ATP8B3: variants seen among roughly 807,000 people sequenced by gnomAD.
ATP8B3 encodes the protein phospholipid-transporting ATPase IK.
A neutral mutation model predicts 140.9 loss-of-function variants in ATP8B3; 141 were observed. That is an observed-to-expected ratio of 1.00 (90% confidence interval 0.87 to 1.15). ATP8B3 has a LOEUF of 1.15. Ranked by LOEUF, ATP8B3 falls within the 50% of genes most tolerant of loss-of-function variation. ATP8B3 has a pLI of 0.00. For missense variants in ATP8B3, 1,874 were observed against 1,740.6 expected (o/e 1.08, Z -1.36); for synonymous variants, 765 against 714.6 (o/e 1.07, Z -1.13).
chr19:1,788,969 G>T lies in ATP8B3; in HGVS notation c.2997C>A (p.Tyr999Ter). 6.2e-7 allele frequency: 1 copy of T among 1,610,046 alleles called. No individual in the cohort carries two copies. Among genetic ancestry groups the T allele is most frequent in the South Asian group, 1.1e-5 (1 of 90,306 alleles). ...SYVRICKFLR[Y>*]FFYKSMASMM... ...TGCTGGCCATGCTCTTGTAGAAGAA[G>T]TAGCGCAGGAACTTGCAGATCCGCA... Residue 999 changes from tyrosine (Y) to a stop codon, truncating the protein, a stop_gained, in exon 24 of 29, where the codon TAC becomes TAA. Transcript: ENST00000310127. LOFTEE classifies it high-confidence loss of function.
intron 24 of ATP8B3, among the ~76,000 whole-genome samples, chr19:1,787,754 A>C (rs967960821): frequency 3.4e-3 from 389 of 114,992 alleles, no homozygotes; most frequent in African/African-American, 0.01. Context: ...AAAAAAAAAA[A>C]AAAAAAACGC....
At position 1,792,155 on chromosome 19, in the gene ATP8B3, A is replaced by T; in HGVS notation, c.2056-20T>A. On this transcript the variant is annotated intron_variant, in intron 18 of 28. Coordinates refer to ENST00000310127, the MANE Select transcript of ATP8B3 (RefSeq NM_138813.4). ...AAAGGCCTGGGGGCCGGGCAGGTGG[A>T]AGCTGTCACCATGCTGAAGCCGACA... The T allele has an allele frequency of 6.4e-7, 1 of 1,556,806 alleles. No individual in the cohort carries two copies. The highest frequency in any genetic ancestry group is 8.6e-7 in the Non-Finnish European group (1 of 1,158,774).
At chr19:1,799,924 G>A in intron 14 of ATP8B3, 23 bp downstream of exon 14, 1 of 1,571,500 alleles carries the variant, frequency 6.4e-7, no homozygotes, top group Non-Finnish European at 8.6e-7. Flanking sequence ...ACCCAGCTGG[G>A]AGCTCAGGTG....
rs957989085 is a variant in ATP8B3, at chr19:1,807,594, G to A, written c.517-328C>T. Among the ~76,000 whole-genome samples the A allele has an allele frequency of 6.6e-6, 1 of 152,010 alleles. No homozygotes were observed. Among genetic ancestry groups the A allele is most frequent in the Non-Finnish European group, 1.5e-5 (1 of 68,008 alleles). ...TGCTCCCCCTCCCTCCCATGTCCCT[G>A]CTTCCCCAGGTCACCCTGCAGGTGT... On this transcript the variant is annotated intron_variant, in intron 5 of 28. Coordinates refer to ENST00000310127, the MANE Select transcript of ATP8B3 (RefSeq NM_138813.4). The surrounding 1 kb of genome is among the most constrained non-coding windows in gnomAD (Gnocchi z 5.9).
chr19:1,789,604 G>C lies in ATP8B3; in HGVS notation c.2602C>G (p.Leu868Val). Residue 868 changes from leucine (L) to valine (V), a missense_variant, in exon 23 of 29, where the codon CTG becomes GTG. Physicochemically the swap from Leu to Val is conservative, Grantham distance 32. This residue lies in a region of ATP8B3 where 840 missense variants were observed against 760.9 expected (regional missense o/e 1.10). Coordinates refer to ENST00000310127, the MANE Select transcript of ATP8B3 (RefSeq NM_138813.4). Reference protein sequence around the residue: ...RDFLYARRLSLLCRRFGLPLA... With the variant: ...RDFLYARRLSVLCRRFGLPLA... ...GGGAGCCCGAACCTCCGGCACAGCAGGGACAGGCGCCTGGCGTAGAGGAAA... is the reference window on the plus strand; with the variant it reads ...GGGAGCCCGAACCTCCGGCACAGCACGGACAGGCGCCTGGCGTAGAGGAAA... 5 of 1,592,988 alleles carry C rather than the reference G, an allele frequency of 3.1e-6. No homozygotes were observed. The highest frequency in any genetic ancestry group is 4.3e-6 in the Non-Finnish European group (5 of 1,174,144).
rs150501571 is a variant in ATP8B3 at position 1,805,766 on chromosome 19, G to A, written c.821+122C>T. On this transcript the variant is annotated intron_variant, in intron 9 of 28. Transcript: ENST00000310127. The surrounding 1 kb of genome is among the most constrained non-coding windows in gnomAD (Gnocchi z 5.2). ...GCACCCACGCCCCAGACACTCATGG[G>A]GTGAGTGACCAAAGTCTCTGAGCGA... 1,284 of 1,187,042 alleles carry A rather than the reference G, an allele frequency of 1.1e-3. 2 individuals carry two copies. In the Middle Eastern group the frequency reaches 0.012, roughly 11 times the overall value. The allele number at this position is 1,187,042 out of a possible 1,614,324, so 73.5% of individuals were successfully genotyped here.
chr19:1,803,386 G>A (rs1448928937), intron 10 of ATP8B3, among the ~76,000 whole-genome samples: 2 of 152,194 alleles, frequency 1.3e-5, no homozygotes, highest in Non-Finnish European at 2.9e-5. Context: ...CGCTCATGGT[G>A]GGACGGCCAG....
chr19:1,782,876 G>T lies in ATP8B3; in HGVS notation c.*152C>A. The T allele has an allele frequency of 1.0e-6, 1 of 979,574 alleles. No homozygotes were observed. Among genetic ancestry groups the T allele is most frequent in the Non-Finnish European group, 1.5e-6 (1 of 674,276 alleles). 60.7% of individuals were successfully genotyped at this position (979,574 alleles called of 1,614,324 possible). A position where few individuals can be genotyped will look rare whatever the true frequency, so the allele number is the denominator to read the frequency against. ...GTTGCTGCTGGTGAGCACATATTTG[G>T]GGAGGGCAGGTTGGTTTTCTGGATG... On this transcript the variant is annotated 3_prime_UTR_variant, in exon 29 of 29. Transcript: ENST00000310127.
At chr19:1,784,744 C>G in intron 28 of ATP8B3, 75 bp downstream of exon 28, 1 of 1,485,724 alleles carries the variant, frequency 6.7e-7, no homozygotes, top group South Asian at 1.4e-5. Flanking sequence ...CTTGCAGTCC[C>G]TACGCCCTGC....
Position 1,796,871 on chromosome 19 carries a change from G to A in ATP8B3, c.1593C>T (p.Pro531=), listed in dbSNP as rs769351413. ...SEATTRPKEN[P]YLWNKFADGK... ...CGTCGGCGAACTTGTTCCAGAGGTA[G>A]GGGTTCTCCTGGGGGTGGCGGGGGC... Residue 531 remains proline (P), a synonymous_variant, in exon 16 of 29, where the codon CCC becomes CCT. Transcript: ENST00000310127. The A allele has an allele frequency of 6.2e-7, 1 of 1,612,052 alleles. No individual in the cohort carries two copies. Among genetic ancestry groups the A allele is most frequent in the Non-Finnish European group, 8.5e-7 (1 of 1,179,290 alleles).
chr19:1,799,824 T>A, intron 14 of ATP8B3, 123 bp downstream of exon 14: 1 of 1,053,622 alleles, frequency 9.5e-7, no homozygotes, highest in Non-Finnish European at 1.4e-6. Context: ...CTGGCTACGG[T>A]TCCCTGGTTC....
chr19:1,811,325 T>C (rs1369105333), intron 2 of ATP8B3, among the ~76,000 whole-genome samples, 164 bp downstream of exon 2: 1 of 152,182 alleles, frequency 6.6e-6, no homozygotes, highest in Non-Finnish European at 1.5e-5. Flanking sequence ...AATGTGGGTC[T>C]GGCTCTAGCC....
At chr19:1,791,904 C>T (rs368162017) in intron 19 of ATP8B3, 43 bp from the exon 20 acceptor site, 55 of 1,606,070 alleles carry the variant, frequency 3.4e-5, no homozygotes, top group Non-Finnish European at 4.2e-5. Flanking sequence ...GCTGAGCAGC[C>T]GTCCAGCTCC....
intron 18 of ATP8B3, among the ~76,000 whole-genome samples, chr19:1,795,444 G>A (rs1020534703): frequency 2.0e-5 from 3 of 151,668 alleles, no homozygotes; most frequent in African/African-American, 7.2e-5. Flanking sequence ...CCAGCTCCTC[G>A]GGAGGCTGAG....
Position 1,806,171 on chromosome 19 carries a change from T to C in ATP8B3, c.678-2A>G, listed in dbSNP as rs758260111. On this transcript the variant is annotated splice_acceptor_variant, in intron 7 of 28. Transcript: ENST00000310127. LOFTEE classifies it high-confidence loss of function. This position sits in a 1 kb window ranked among gnomAD's most constrained non-coding sequence, Gnocchi z 5.6. The stretch of plus-strand genomic sequence containing the variant: ...TCCTGCCATTTCTTCTGCTTGAAGC[T>C]GCGGGGAGAGGGGGTTGTGAAGGAG... 6 of 1,588,144 alleles carry C rather than the reference T, an allele frequency of 3.8e-6. No individual in the cohort carries two copies. The highest frequency in any genetic ancestry group is 5.1e-6 in the Non-Finnish European group (6 of 1,168,084).
chr19:1,802,411 A>AC, intron 11 of ATP8B3, 76 bp downstream of exon 11: 25 of 183,858 alleles, frequency 1.4e-4, no homozygotes, highest in South Asian at 1.9e-4. Context: ...CCACCTACCC[A>AC]CCCACCCATC....
intron 28 of ATP8B3, among the ~76,000 whole-genome samples, 153 bp from the exon 29 acceptor site, chr19:1,783,423 C>G (rs1212523694): frequency 2.0e-5 from 3 of 152,166 alleles, no homozygotes; most frequent in Non-Finnish European, 4.4e-5. Flanking sequence ...TTAGAGTCCT[C>G]GACTCTCAGT....
Position 1,807,941 on chromosome 19 carries a change from G to A in ATP8B3, c.516+281C>T, listed in dbSNP as rs1362079870. Among the ~76,000 whole-genome samples, 1 of 152,204 alleles carries A rather than the reference G, an allele frequency of 6.6e-6. No individual in the cohort carries two copies. Among genetic ancestry groups the A allele is most frequent in the Non-Finnish European group, 1.5e-5 (1 of 68,030 alleles). ...CGTGGCCGAGGCCGTTTAGGCTGGGGAACAGCTATGCCTCCCGATGCCCAG... is the reference window on the plus strand; with the variant it reads ...CGTGGCCGAGGCCGTTTAGGCTGGGAAACAGCTATGCCTCCCGATGCCCAG... On this transcript the variant is annotated intron_variant, in intron 5 of 28. Transcript: ENST00000310127. The surrounding 1 kb of genome is among the most constrained non-coding windows in gnomAD (Gnocchi z 5.9).
At position 1,789,682 on chromosome 19, in the gene ATP8B3, G is replaced by A. The variant is rs768104473; in HGVS notation, c.2524C>T (p.Gln842Ter). 3.8e-6 allele frequency: 6 copies of A among 1,593,854 alleles called. No homozygotes were observed. The highest frequency in any genetic ancestry group is 4.5e-5 in the East Asian group (2 of 44,624). ...CACGCCTCGTCCATGTTCACGTTCT[G>A]CGCCAGGGCGCGCGGCTCCTTCCGC... ...SLRKEPRALA[Q>*]NVNMDEAWQE... The change falls in exon 23 of 29, where the codon CAG becomes TAG. Residue 842 changes from glutamine (Q) to a stop codon, truncating the protein, a stop_gained. Coordinates refer to ENST00000310127, the MANE Select transcript of ATP8B3 (RefSeq NM_138813.4). LOFTEE classifies it high-confidence loss of function.
Sources: gnomAD v4.1 joint callset for allele counts (sites outside exome capture counted in the v4.1 genomes callset) on GRCh38, gnomAD v4.1.1 for gene constraint, gnomAD v4.1.1 regional missense constraint, Gnocchi (gnomAD v3.1) non-coding constraint, MANE v1.5 for transcripts, NCBI Gene and HGNC (gene_info 2026-07-23, HGNC 2026-07-21) for gene names.